The following HNRNPA2B1 variants were observed in gnomAD, a reference collection of about 807,000 sequenced individuals.
HNRNPA2B1 encodes the protein heterogeneous nuclear ribonucleoproteins A2/B1.
A neutral mutation model predicts 46.3 loss-of-function variants in HNRNPA2B1; 3 were observed. That is an observed-to-expected ratio of 0.06 (90% CI 0.03 to 0.17). The LOEUF (loss-of-function observed/expected upper bound fraction) is 0.17, where lower values mean the gene tolerates loss of function less well. HNRNPA2B1 is among the 10% of genes least tolerant of loss of function. The pLI is 1.00. For synonymous variants in HNRNPA2B1, 225 were observed against 133.8 expected (o/e 1.68, Z -4.70); for missense variants, 221 against 418.9 (o/e 0.53, Z 4.12).
chr7:26,195,582 A>C, intron 7 of HNRNPA2B1: 4 of 420,898 alleles, frequency 9.5e-6, no homozygotes, highest in Non-Finnish European at 1.7e-5. Context: ...GTACAAAGAT[A>C]TATCTAGATC....
intron 1 of HNRNPA2B1, chr7:26,200,237 G>A: frequency 3.1e-6 from 1 of 326,084 alleles, no homozygotes. Flanking sequence ...CCGAGGAGAC[G>A]CCGTGGCCCC....
rs904054790 is a variant in HNRNPA2B1, at chr7:26,191,228, C to G, written c.*1132G>C. 14 of 152,066 alleles carry G rather than the reference C, an allele frequency of 9.2e-5. No individual in the cohort carries two copies. Among genetic ancestry groups the G allele is most frequent in the African/African-American group, 3.4e-4 (14 of 41,332 alleles). The allele number at this position is 152,066 out of a possible 1,614,324, so 9.4% of individuals were successfully genotyped here. ...AGAAGGAAAAAAAGGGAAAAACAAC[C>G]AAAATAATTTAAGTAAATGACAGAT... On this transcript the variant is annotated 3_prime_UTR_variant, in exon 11 of 11. Transcript: ENST00000618183.
At chr7:26,192,438 C>A (rs1162484535) in intron 10 of HNRNPA2B1, 57 bp downstream of exon 10, 5 of 1,156,008 alleles carry the variant, frequency 4.3e-6, no homozygotes, top group Non-Finnish European at 6.5e-6. Flanking sequence ...AAAGCTTTTA[C>A]TCCTGCAGCT....
In HNRNPA2B1 at chr7:26,196,943, T is replaced by C. The variant is rs1583992565; in HGVS notation, c.339A>G (p.Glu113=). 1.2e-6 allele frequency: 2 copies of C among 1,613,798 alleles called. No homozygotes were observed. The highest frequency in any genetic ancestry group is 1.7e-6 in the Non-Finnish European group (2 of 1,179,784). Residue 113 remains glutamate (E), a synonymous_variant, in exon 4 of 11, where the codon GAA becomes GAG. Transcript: ENST00000618183. ...CCTCAAAGTAATCTCTAAGGTGATG[T>C]TCCTCAGTATCTTCTTTAATTCCGC... is the stretch of plus-strand genomic sequence containing the variant. The part of the protein sequence containing the change: ...FVGGIKEDTE[E]HHLRDYFEEY...
At chr7:26,193,451 T>C (rs1299633845) in intron 8 of HNRNPA2B1, 78 bp from the exon 9 acceptor site, 14 of 1,539,436 alleles carry the variant, frequency 9.1e-6, no homozygotes, top group East Asian at 2.3e-5. Flanking sequence ...TAAAAACAAA[T>C]AAAAGCAAAC....
intron 7 of HNRNPA2B1, among the ~76,000 whole-genome samples, chr7:26,194,516 C>G (rs1048188250): frequency 6.7e-6 from 1 of 149,784 alleles, no homozygotes; most frequent in African/African-American, 2.5e-5. Context: ...CAGGGCAACA[C>G]AGCAAAACCC....
chr7:26,195,783 G>GT, intron 7 of HNRNPA2B1, 64 bp downstream of exon 7: 2 of 1,539,328 alleles, frequency 1.3e-6, no homozygotes, highest in African/African-American at 1.4e-5. Context: ...TATAAATGAA[G>GT]TAAATATACG....
intron 8 of HNRNPA2B1, 59 bp from the exon 9 acceptor site, chr7:26,193,432 A>G (rs1398029834): frequency 1.3e-6 from 2 of 1,555,890 alleles, no homozygotes; most frequent in Non-Finnish European, 1.7e-6. Flanking sequence ...ACTTAGGACA[A>G]AGCTCCCATA....
intron 1 of HNRNPA2B1, chr7:26,199,592 C>G (rs1368209580): frequency 6.6e-6 from 1 of 152,140 alleles, no homozygotes; most frequent in Non-Finnish European, 1.5e-5. Flanking sequence ...TAAACGGAAT[C>G]CTTAAGAACA....
At chr7:26,197,228 G>C (rs544868451) in intron 3 of HNRNPA2B1, 87 bp downstream of exon 3, 5 of 1,452,292 alleles carry the variant, frequency 3.4e-6, no homozygotes, top group Middle Eastern at 1.8e-4. Context: ...AAAATCTTGA[G>C]TTAAAACTAA....
At chr7:26,200,277 GA>G in intron 1 of HNRNPA2B1, 1 of 471,982 alleles carries the variant, frequency 2.1e-6, no homozygotes, top group Non-Finnish European at 3.9e-6. Flanking sequence ...AAGGGAATAA[GA>G]ATTCCCGCCT....
chr7:26,194,022 G>A lies in HNRNPA2B1; in HGVS notation c.722-328C>T, dbSNP rs143648074. ...GCTAGACTAGTAGTGTGGGCTAGAG[G>A]GAAAGTAAAAGAGCACTTCCTCCTA... is the stretch of plus-strand genomic sequence containing the variant. On this transcript the variant is annotated intron_variant, in intron 7 of 10. Transcript: ENST00000618183. Among the ~76,000 whole-genome samples, 279 of 152,280 alleles carry A rather than the reference G, an allele frequency of 1.8e-3. 1 individual carries two copies. Among genetic ancestry groups the A allele is most frequent in the Non-Finnish European group, 3.2e-3 (218 of 68,028 alleles).
rs926215759 is a variant in HNRNPA2B1 at position 26,192,559 on chromosome 7, C to G, written c.983G>C (p.Gly328Ala). 1 of 1,613,986 alleles carries G rather than the reference C, an allele frequency of 6.2e-7. No homozygotes were observed. Among genetic ancestry groups the G allele is most frequent in the Non-Finnish European group, 8.5e-7 (1 of 1,179,852 alleles). Residue 328 changes from glycine to alanine, a missense_variant, in exon 10 of 11, where the codon GGC becomes GCC. Coordinates refer to ENST00000618183, the MANE Select transcript of HNRNPA2B1 (RefSeq NM_002137.4). Reference sequence around the variant, plus strand: ...ACCATAACCCCCACTTCCTCCACTGCCTCCTGGACCATAGTTTCCTATAAT... The same window carrying G: ...ACCATAACCCCCACTTCCTCCACTGGCTCCTGGACCATAGTTTCCTATAAT... ...PYGGGNYGPG[G>A]SGGSGGYGGR...
At chr7:26,195,218 G>A (rs368274436) in intron 7 of HNRNPA2B1, among the ~76,000 whole-genome samples, 12 of 150,460 alleles carry the variant, frequency 8.0e-5, no homozygotes, top group Admixed American at 5.9e-4. Flanking sequence ...AAGTAGAACA[G>A]TGAGATACAC....
rs753496868 is a variant in HNRNPA2B1 at position 26,193,327 on chromosome 7, C to T, written c.888G>A (p.Gln296=). 6.2e-7 allele frequency: 1 copy of T among 1,612,588 alleles called. No homozygotes were observed. The highest frequency in any genetic ancestry group is 1.1e-5 in the South Asian group (1 of 91,026). Residue 296 remains glutamine, a synonymous_variant, in exon 9 of 11, where the codon CAG becomes CAA. Coordinates refer to ENST00000618183, the MANE Select transcript of HNRNPA2B1 (RefSeq NM_002137.4). The part of the protein sequence containing the change: ...GNYNDFGNYN[Q]QPSNYGPMKS... The stretch of plus-strand genomic sequence containing the variant: ...TCATTGGACCGTAGTTAGAAGGTTG[C>T]TGGTTATAATTTCCAAAATCATTGT...
Position 26,196,461 on chromosome 7 carries a change from A to G in HNRNPA2B1, c.598T>C (p.Ser200Pro). The change falls in exon 6 of 11, where the codon TCA (serine) becomes CCA (proline). Residue 200 changes from serine to proline, a missense_variant. Ser to Pro is a moderately conservative substitution (Grantham distance 74, BLOSUM62 -1). Around this residue, in one of 2 missense-constraint regions of HNRNPA2B1, gnomAD observed 143 missense variants for 200.5 expected, o/e 0.71. Transcript: ENST00000618183. Reference protein sequence around the residue: ...GRGGNFGFGDSRGGGGNFGPG... With the variant: ...GRGGNFGFGDPRGGGGNFGPG... ...CCGAAATTTCCACCGCCACCACGTGAATCCCCAAAGCCAAAGTTGCCTACA... is the reference window on the plus strand; with the variant it reads ...CCGAAATTTCCACCGCCACCACGTGGATCCCCAAAGCCAAAGTTGCCTACA... The G allele has an allele frequency of 6.2e-7, 1 of 1,614,214 alleles. No individual in the cohort carries two copies. The highest frequency in any genetic ancestry group is 8.5e-7 in the Non-Finnish European group (1 of 1,180,030).
intron 1 of HNRNPA2B1, chr7:26,199,439 G>A (rs988075792): frequency 3.3e-5 from 5 of 152,266 alleles, no homozygotes; most frequent in African/African-American, 4.8e-5. Flanking sequence ...AGCCTCTGAA[G>A]CCATGTTTTA....
chr7:26,193,223 C>T, intron 9 of HNRNPA2B1, 28 bp downstream of exon 9: 1 of 1,599,870 alleles, frequency 6.3e-7, no homozygotes, highest in Non-Finnish European at 8.5e-7. Context: ...TCACAAAAAT[C>T]TGAATAACCT....
intron 7 of HNRNPA2B1, among the ~76,000 whole-genome samples, chr7:26,194,125 G>C (rs1783226149): frequency 6.6e-6 from 1 of 152,222 alleles, no homozygotes; most frequent in Non-Finnish European, 1.5e-5. Flanking sequence ...GTTGGGCACA[G>C]TGGCTCATGC....
Sources: allele counts gnomAD v4.1 joint callset (sites outside exome capture counted in the v4.1 genomes callset), GRCh38; gene constraint gnomAD v4.1.1; regional missense constraint gnomAD v4.1.1; transcripts MANE v1.5; gene names NCBI Gene and HGNC (gene_info 2026-07-23, HGNC 2026-07-21).